Variants in NMNAT2 observed in about 807,000 individuals in gnomAD.
The protein encoded by NMNAT2 is nicotinamide nucleotide adenylyltransferase 2, also known as nicotinamide/nicotinic acid mononucleotide adenylyltransferase 2.
In NMNAT2, 11 loss-of-function variants were observed where a neutral mutation model predicts 41.6. That is an observed-to-expected ratio of 0.26 (90% CI 0.17 to 0.44). The LOEUF (loss-of-function observed/expected upper bound fraction) is 0.44. Among genes scored for constraint, NMNAT2 ranks in the 20% least tolerant of loss-of-function variants. NMNAT2 has a pLI of 1.00. For missense variants in NMNAT2, 288 were observed against 407.7 expected (o/e 0.71, Z 2.53); for synonymous variants, 148 against 151.2 (o/e 0.98, Z 0.16).
At chr1:183,339,185 C>T (rs1004784655) in intron 1 of NMNAT2, among the ~76,000 whole-genome samples, 1 of 152,014 alleles carries the variant, frequency 6.6e-6, no homozygotes. Context: ...GCAAGCTCTG[C>T]CTCCCGGGTT....
intron 1 of NMNAT2, among the ~76,000 whole-genome samples, chr1:183,397,159 C>T (rs952476007): frequency 2.6e-5 from 4 of 152,128 alleles, no homozygotes; most frequent in African/African-American, 4.8e-5. Context: ...CAATAAATCT[C>T]CATACTTTCA....
intron 7 of NMNAT2, among the ~76,000 whole-genome samples, chr1:183,280,047 C>T (rs998289529): frequency 6.6e-6 from 1 of 152,196 alleles, no homozygotes; most frequent in Non-Finnish European, 1.5e-5. Flanking sequence ...GGCCTCTGCT[C>T]TTGCAGCATG....
intron 1 of NMNAT2, among the ~76,000 whole-genome samples, chr1:183,329,536 T>C (rs1662536446): frequency 6.6e-6 from 1 of 152,166 alleles, no homozygotes; most frequent in African/African-American, 2.4e-5. Context: ...AGCAATTTCT[T>C]ACTGAGCCTG....
chr1:183,391,824 C>T (rs758507690), intron 1 of NMNAT2, among the ~76,000 whole-genome samples: 1 of 152,152 alleles, frequency 6.6e-6, no homozygotes, highest in East Asian at 1.9e-4. Context: ...CATGATTGAT[C>T]GTGCCCCCTA....
At chr1:183,407,999 C>T (rs767265053) in intron 1 of NMNAT2, among the ~76,000 whole-genome samples, 2 of 152,174 alleles carry the variant, frequency 1.3e-5, no homozygotes, top group East Asian at 3.8e-4. Context: ...GCCATTTACC[C>T]AGTCAGCCAG....
At chr1:183,299,827 T>C (rs1022410429) in intron 1 of NMNAT2, among the ~76,000 whole-genome samples, 1 of 152,220 alleles carries the variant, frequency 6.6e-6, no homozygotes, top group Admixed American at 6.5e-5. Flanking sequence ...ATCTACCCTT[T>C]TGATAAGATA....
chr1:183,275,576 G>T (rs1661100938), intron 8 of NMNAT2, among the ~76,000 whole-genome samples: 1 of 151,682 alleles, frequency 6.6e-6, no homozygotes, highest in South Asian at 2.1e-4. Context: ...GGCCTGGGAC[G>T]TGGTACTCTC....
chr1:183,340,515 G>T (rs1244804438), intron 1 of NMNAT2, among the ~76,000 whole-genome samples: 2 of 152,012 alleles, frequency 1.3e-5, no homozygotes. Flanking sequence ...GTGGAGACAG[G>T]GTTTCACCAT....
At chr1:183,259,766 A>G (rs1023956802) in intron 10 of NMNAT2, among the ~76,000 whole-genome samples, 4 of 151,828 alleles carry the variant, frequency 2.6e-5, no homozygotes, top group African/African-American at 9.7e-5. Context: ...CGCCCGGCTG[A>G]TTTTTTGTAT....
At chr1:183,288,693 G>A (rs558281328) in intron 4 of NMNAT2, among the ~76,000 whole-genome samples, 1 of 152,382 alleles carries the variant, frequency 6.6e-6, no homozygotes, top group Admixed American at 6.5e-5. Flanking sequence ...GCACAGGACT[G>A]CAGGAACTCC....
At chr1:183,412,551 A>C (rs1168399976) in intron 1 of NMNAT2, among the ~76,000 whole-genome samples, 2 of 152,234 alleles carry the variant, frequency 1.3e-5, no homozygotes, top group Non-Finnish European at 2.9e-5. Flanking sequence ...ATTTGTTAAG[A>C]AATGAGTGTT....
chr1:183,347,308 T>C lies in NMNAT2; in HGVS notation c.86-53515A>G, dbSNP rs1571612322. On this transcript the variant is annotated intron_variant, in intron 1 of 10. Coordinates refer to ENST00000287713, the MANE Select transcript of NMNAT2 (RefSeq NM_015039.4). ...ATCTCTACAAAAAAAATAGAAACAT[T>C]AGCTGGGCATGGTGGTGCATGCCTG... 4.6e-5 allele frequency among the ~76,000 whole-genome samples: 7 copies of C among 152,140 alleles called. 1 individual carries two copies. The South Asian group carries it at 1.5e-3, about 32-fold the overall frequency.
At chr1:183,383,555 G>T (rs1663849601) in intron 1 of NMNAT2, among the ~76,000 whole-genome samples, 1 of 152,056 alleles carries the variant, frequency 6.6e-6, no homozygotes, top group African/African-American at 2.4e-5. Context: ...CTTTGCTTAT[G>T]CCTATCACCA....
chr1:183,325,429 A>T lies in NMNAT2; in HGVS notation c.86-31636T>A, dbSNP rs565836842. 2.0e-5 allele frequency among the ~76,000 whole-genome samples: 3 copies of T among 152,378 alleles called. No homozygotes were observed. The South Asian group carries it at 6.2e-4, about 32-fold the overall frequency. ...AGAAATACATACATTTATCTGCATG[A>T]AAAGATGGAAAAATGAGAAGTGTCG... is the stretch of plus-strand genomic sequence containing the variant. On this transcript the variant is annotated intron_variant, in intron 1 of 10. Coordinates refer to ENST00000287713, the MANE Select transcript of NMNAT2 (RefSeq NM_015039.4).
At chr1:183,258,351 A>G (rs541226703) in intron 10 of NMNAT2, among the ~76,000 whole-genome samples, 1 of 152,280 alleles carries the variant, frequency 6.6e-6, no homozygotes, top group East Asian at 1.9e-4. Flanking sequence ...CTGCCTTTCA[A>G]TGCATGCACT....
At chr1:183,364,063 AAGTAGT>A (rs1663364653) in intron 1 of NMNAT2, among the ~76,000 whole-genome samples, 1 of 152,182 alleles carries the variant, frequency 6.6e-6, no homozygotes, top group South Asian at 2.1e-4. Flanking sequence ...CATTTCCTCT[AAGTAGT>A]CTATTCTATT....
intron 3 of NMNAT2, 108 bp downstream of exon 3, chr1:183,292,682 C>G (rs1661575009): frequency 1.0e-6 from 1 of 999,856 alleles, no homozygotes; most frequent in African/African-American, 1.6e-5. Context: ...GCCCCTGCCT[C>G]CCCATCCTTT....
chr1:183,407,668 A>G (rs1282685003), intron 1 of NMNAT2, among the ~76,000 whole-genome samples: 1 of 152,204 alleles, frequency 6.6e-6, no homozygotes, highest in Non-Finnish European at 1.5e-5. Flanking sequence ...CCCATAGCAC[A>G]ATGTGCTAAG....
chr1:183,339,575 G>C (rs900919354), intron 1 of NMNAT2, among the ~76,000 whole-genome samples: 10 of 151,832 alleles, frequency 6.6e-5, no homozygotes, highest in Non-Finnish European at 1.2e-4. Context: ...GATTTACCTT[G>C]TCTGAGCTCC....
Sources: gnomAD v4.1 joint callset for allele counts (sites outside exome capture counted in the v4.1 genomes callset) on GRCh38, gnomAD v4.1.1 for gene constraint, MANE v1.5 for transcripts, NCBI Gene and HGNC (gene_info 2026-07-23, HGNC 2026-07-21) for gene names.